FGF13: variants seen among roughly 807,000 people sequenced by gnomAD.
The protein encoded by FGF13 is fibroblast growth factor homologous factor 2.
Under a neutral mutation model 19.5 loss-of-function variants are expected in FGF13, and 2 were observed. The observed-to-expected ratio is 0.10, with a 90% CI of 0.04 to 0.32. FGF13 has a LOEUF of 0.32. Ranked by LOEUF, FGF13 falls within the 10% of genes least tolerant of loss-of-function variation. The probability of loss-of-function intolerance (pLI) is 1.00; values close to 1 mark genes in which losing one functional copy is unlikely to be tolerated. For synonymous variants in FGF13, 72 were observed against 76.9 expected (o/e 0.94, Z 0.33); for missense variants, 113 against 192.7 (o/e 0.59, Z 2.45).
intron 1 of FGF13, among the ~76,000 whole-genome samples, chrX:139,126,811 C>T (rs1048340488): frequency 9.0e-6 from 1 of 111,391 alleles, no homozygotes; most frequent in Non-Finnish European, 1.9e-5. Flanking sequence ...AATCTTTCTC[C>T]ACTCAAATGT....
chrX:138,684,438 T>C (rs1160310661), intron 3 of FGF13, among the ~76,000 whole-genome samples: 2 of 111,713 alleles, frequency 1.8e-5, no homozygotes, highest in African/African-American at 6.5e-5. Flanking sequence ...TTTTTTTCTG[T>C]CTTTGGCTTC....
At chrX:138,704,367 C>T (rs1401300874) in intron 2 of FGF13, among the ~76,000 whole-genome samples, 1 of 111,928 alleles carries the variant, frequency 8.9e-6, no homozygotes, top group Admixed American at 9.5e-5. Flanking sequence ...ATTTTTAAAA[C>T]GTAGTGCTTG....
intron 1 of FGF13, among the ~76,000 whole-genome samples, chrX:139,046,256 G>C (rs754703799): frequency 1.8e-5 from 2 of 110,956 alleles, no homozygotes; most frequent in Non-Finnish European, 3.8e-5. Flanking sequence ...CACACTTTTA[G>C]ATGACTAGAT....
At chrX:139,036,924 G>A (rs753390786) in intron 1 of FGF13, among the ~76,000 whole-genome samples, 13 of 110,992 alleles carry the variant, frequency 1.2e-4, no homozygotes, top group South Asian at 3.9e-4. Flanking sequence ...CCCACAGCAC[G>A]TGGGAATTGT....
chrX:139,057,393 T>A (rs2092323403), intron 1 of FGF13, among the ~76,000 whole-genome samples: 1 of 111,151 alleles, frequency 9.0e-6, no homozygotes, highest in African/African-American at 3.3e-5. Flanking sequence ...TTGGCAAGGA[T>A]GTGAAACAAG....
intron 1 of FGF13, among the ~76,000 whole-genome samples, chrX:138,900,828 CT>C (rs34094437): frequency 2.3e-4 from 26 of 111,575 alleles, no homozygotes; most frequent in African/African-American, 8.5e-4. Flanking sequence ...TAGTTCACTG[CT>C]TTTTTTCTGC....
intron 3 of FGF13, among the ~76,000 whole-genome samples, chrX:138,820,295 A>T (rs1234832571): frequency 8.9e-6 from 1 of 112,119 alleles, no homozygotes; most frequent in Non-Finnish European, 1.9e-5. Flanking sequence ...ATTCAATTTG[A>T]TTCAATTTAT....
intron 3 of FGF13, among the ~76,000 whole-genome samples, chrX:138,814,303 C>T (rs940912930): frequency 9.1e-6 from 1 of 110,060 alleles, no homozygotes; most frequent in Non-Finnish European, 1.9e-5. Flanking sequence ...CAGGTACTAG[C>T]CCTACTAGAC....
intron 1 of FGF13, among the ~76,000 whole-genome samples, chrX:139,041,498 G>A (rs5931562): frequency 0.14 from 15,050 of 110,773 alleles, 1,074 homozygotes; most frequent in Middle Eastern, 0.22. Flanking sequence ...TCTTCTGCAG[G>A]ATGGACTCCT....
intron 1 of FGF13, among the ~76,000 whole-genome samples, chrX:139,044,525 T>G (rs1465681113): frequency 9.0e-6 from 1 of 111,359 alleles, no homozygotes; most frequent in East Asian, 2.8e-4. Flanking sequence ...AACGTAAGAT[T>G]TGGGTGGAAA....
chrX:139,009,577 C>A (rs990069961), intron 1 of FGF13, among the ~76,000 whole-genome samples: 15 of 111,486 alleles, frequency 1.3e-4, no homozygotes, highest in East Asian at 2.8e-4. Flanking sequence ...AGGATAGATA[C>A]ACTCTTTTCC....
intron 1 of FGF13, among the ~76,000 whole-genome samples, chrX:139,062,226 G>C (rs1207420522): frequency 2.7e-5 from 3 of 111,236 alleles, no homozygotes; most frequent in Non-Finnish European, 5.7e-5. Flanking sequence ...AATCCATTTT[G>C]AGTTGTTTTT....
intron 3 of FGF13, among the ~76,000 whole-genome samples, chrX:138,640,118 T>A (rs1281755528): frequency 8.9e-6 from 1 of 112,013 alleles, no homozygotes; most frequent in Non-Finnish European, 1.9e-5. Flanking sequence ...TACTCCTTTT[T>A]ACCAATGTAC....
At chrX:138,853,618 TGC>T (rs1475600829), downstream of FGF13, among the ~76,000 whole-genome samples, 4 of 78,438 alleles carry the variant, frequency 5.1e-5, no homozygotes, top group Non-Finnish European at 7.8e-5. Context: ...TGTGTGCGTG[TGC>T]GTGTGTGTGT....
intron 1 of FGF13, among the ~76,000 whole-genome samples, chrX:139,130,560 C>G (rs2083752926): frequency 8.9e-6 from 1 of 111,831 alleles, no homozygotes; most frequent in African/African-American, 3.2e-5. Flanking sequence ...ATCCCCAGTA[C>G]CTATCACAAT....
chrX:138,893,024 C>A (rs750659747), intron 1 of FGF13, among the ~76,000 whole-genome samples: 1 of 110,216 alleles, frequency 9.1e-6, no homozygotes. Context: ...TTGTAAGAAG[C>A]TACAAAGCAG....
intron 3 of FGF13, among the ~76,000 whole-genome samples, chrX:138,832,859 C>T (rs1432005586): frequency 8.9e-6 from 1 of 111,941 alleles, no homozygotes; most frequent in African/African-American, 3.2e-5. Context: ...GAAAAGGTTC[C>T]AGTTTCAAAC....
intron 1 of FGF13, among the ~76,000 whole-genome samples, chrX:138,878,600 C>T (rs1394713341): frequency 2.8e-5 from 3 of 107,009 alleles, no homozygotes; most frequent in East Asian, 3.0e-4. Context: ...TGAATAGTGC[C>T]GCAATAAACA....
At chrX:139,080,528 C>T (rs2083363769) in intron 1 of FGF13, among the ~76,000 whole-genome samples, 1 of 111,615 alleles carries the variant, frequency 9.0e-6, no homozygotes, top group South Asian at 3.8e-4. Flanking sequence ...TCCTCTGTCA[C>T]GTATCTTTGG....
Sources: gnomAD v4.1 joint callset for allele counts (sites outside exome capture counted in the v4.1 genomes callset) on GRCh38, gnomAD v4.1.1 for gene constraint, MANE v1.5 for transcripts, NCBI Gene and HGNC (gene_info 2026-07-23, HGNC 2026-07-21) for gene names.